Variants in FUT8 observed in about 807,000 individuals in gnomAD.
FUT8 encodes the protein alpha-(1,6)-fucosyltransferase.
In FUT8, 29 loss-of-function variants were observed where a neutral mutation model predicts 71.3. That is an observed-to-expected ratio of 0.41 (90% CI 0.30 to 0.55). The LOEUF (loss-of-function observed/expected upper bound fraction) is 0.55. Among genes scored for constraint, FUT8 ranks in the 20% least tolerant of loss-of-function variants. FUT8 has a pLI of 0.34. For synonymous variants in FUT8, 254 were observed against 239.3 expected, an observed-to-expected ratio of 1.06 and a Z score of -0.57; for missense variants, 544 against 702.1, an observed-to-expected ratio of 0.77 and a Z score of 2.55.
At chr14:65,589,225 C>A (rs4581615) in intron 3 of FUT8, among the ~76,000 whole-genome samples, 53,838 of 151,988 alleles carry the variant, frequency 0.35, 11,844 homozygotes, top group Non-Finnish European at 0.5. Flanking sequence ...GAAAAGGAAT[C>A]CTGATTTCAG....
chr14:65,695,287 A>G lies in FUT8; in HGVS notation c.835+25807A>G, dbSNP rs1486798532. Among the ~76,000 whole-genome samples, 3 of 152,146 alleles carry G rather than the reference A, an allele frequency of 2.0e-5. 1 individual carries two copies. Among genetic ancestry groups the G allele is most frequent in the East Asian group, 3.8e-4 (2 of 5,204 alleles). ...TCTCCAAGTATAATAGTGAATTTGT[A>G]TATTCTCATTGCAATTCTGTAAGTT... On this transcript the variant is annotated intron_variant, in intron 7 of 10. Coordinates refer to ENST00000673929, the MANE Select transcript of FUT8 (RefSeq NM_001371533.1).
intron 2 of FUT8, among the ~76,000 whole-genome samples, chr14:65,464,077 T>C (rs921346694): frequency 5.9e-5 from 9 of 152,210 alleles, no homozygotes; most frequent in Non-Finnish European, 5.9e-5. Context: ...TGGATTAATG[T>C]ATTACTGTGA....
intron 7 of FUT8, among the ~76,000 whole-genome samples, chr14:65,688,411 C>T (rs1278615018): frequency 6.7e-6 from 1 of 148,846 alleles, no homozygotes; most frequent in African/African-American, 2.5e-5. Context: ...TGTAACTTTA[C>T]AGCTCATTTC....
chr14:65,455,203 C>G (rs2065879292), intron 1 of FUT8, among the ~76,000 whole-genome samples: 1 of 152,118 alleles, frequency 6.6e-6, no homozygotes, highest in Non-Finnish European at 1.5e-5. Flanking sequence ...TAGTAAGAAA[C>G]TAGGTTATGT....
chr14:65,512,838 G>T (rs1172097324), intron 2 of FUT8, among the ~76,000 whole-genome samples: 1 of 150,774 alleles, frequency 6.6e-6, no homozygotes, highest in Non-Finnish European at 1.5e-5. Flanking sequence ...AACCTGTGAG[G>T]CGGAGGTTGC....
At chr14:65,528,815 A>G (rs988185348) in intron 2 of FUT8, 21 of 152,092 alleles carry the variant, frequency 1.4e-4, no homozygotes, top group African/African-American at 4.6e-4. Flanking sequence ...TTGGATGTAA[A>G]TCTTTGAATT....
At chr14:65,611,201 G>A (rs977178505) in intron 3 of FUT8, among the ~76,000 whole-genome samples, 186 of 1,800 alleles carry the variant, frequency 0.1, 16 homozygotes, top group African/African-American at 0.14. Context: ...ACACACACGC[G>A]CGCGCGCGCG....
chr14:65,452,333 C>T (rs1454883873), intron 1 of FUT8, among the ~76,000 whole-genome samples: 2 of 152,046 alleles, frequency 1.3e-5, no homozygotes, highest in East Asian at 1.9e-4. Flanking sequence ...AAGAATGGGA[C>T]GAAATAATGA....
At chr14:65,464,434 C>G (rs1397330556) in intron 2 of FUT8, among the ~76,000 whole-genome samples, 2 of 151,926 alleles carry the variant, frequency 1.3e-5, no homozygotes, top group Admixed American at 1.3e-4. Context: ...TTGCCTTGTT[C>G]CTGATCCTAC....
At chr14:65,542,954 G>A (rs1238793033) in intron 2 of FUT8, among the ~76,000 whole-genome samples, 1 of 151,966 alleles carries the variant, frequency 6.6e-6, no homozygotes, top group East Asian at 1.9e-4. Context: ...GGCTAATTTT[G>A]TATTTTTAGT....
chr14:65,476,637 ATTTTTTTT>A (rs200882761), intron 2 of FUT8, among the ~76,000 whole-genome samples: 2 of 125,082 alleles, frequency 1.6e-5, no homozygotes, highest in African/African-American at 3.1e-5. Context: ...AAAGAAGTAG[ATTTTTTTT>A]TTTTTTTTTT....
chr14:65,510,121 T>C (rs1882236824), intron 2 of FUT8, among the ~76,000 whole-genome samples: 1 of 152,162 alleles, frequency 6.6e-6, no homozygotes, highest in African/African-American at 2.4e-5. Context: ...TATACTCATG[T>C]TTTTGAGGGT....
intron 1 of FUT8, among the ~76,000 whole-genome samples, chr14:65,430,936 G>A (rs2065462936): frequency 6.6e-6 from 1 of 151,010 alleles, no homozygotes; most frequent in South Asian, 2.1e-4. Context: ...TGGTTGCATT[G>A]ATTGGCAATT....
intron 7 of FUT8, among the ~76,000 whole-genome samples, chr14:65,720,891 A>T (rs187005170): frequency 1.8e-4 from 28 of 152,200 alleles, no homozygotes; most frequent in African/African-American, 6.5e-4. Context: ...GTTGCTTGCC[A>T]GTTGGCCTGG....
chr14:65,462,597 T>C (rs1016196848), intron 2 of FUT8, among the ~76,000 whole-genome samples: 8 of 152,242 alleles, frequency 5.3e-5, no homozygotes, highest in Admixed American at 2.6e-4. Flanking sequence ...AAGTGAATCA[T>C]GTGCTATTGA....
At chr14:65,677,207 A>G (rs1892805770) in intron 7 of FUT8, among the ~76,000 whole-genome samples, 1 of 145,776 alleles carries the variant, frequency 6.9e-6, no homozygotes, top group African/African-American at 2.6e-5. Context: ...TTTAAGTAAT[A>G]GACTTTATTA....
intron 1 of FUT8, among the ~76,000 whole-genome samples, chr14:65,444,825 G>A (rs1157534645): frequency 6.6e-6 from 1 of 152,180 alleles, no homozygotes; most frequent in Non-Finnish European, 1.5e-5. Context: ...AATCACCAAT[G>A]CAACAGTGTT....
intron 6 of FUT8, among the ~76,000 whole-genome samples, chr14:65,662,232 G>A (rs1294037662): frequency 1.3e-5 from 2 of 152,044 alleles, no homozygotes; most frequent in Non-Finnish European, 1.5e-5. Context: ...GGGCAACATG[G>A]GAAAACCCAT....
At chr14:65,533,766 C>CA (rs1287260994) in intron 2 of FUT8, among the ~76,000 whole-genome samples, 1 of 152,136 alleles carries the variant, frequency 6.6e-6, no homozygotes, top group Non-Finnish European at 1.5e-5. Flanking sequence ...GTGGGTTTGT[C>CA]ATAAATGGCT....
Sources: allele counts gnomAD v4.1 joint callset (sites outside exome capture counted in the v4.1 genomes callset), GRCh38; gene constraint gnomAD v4.1.1; transcripts MANE v1.5; gene names NCBI Gene and HGNC (gene_info 2026-07-23, HGNC 2026-07-21).